IMMP2L: variants seen among roughly 807,000 people sequenced by gnomAD.
The protein encoded by IMMP2L is inner mitochondrial membrane peptidase subunit 2.
In IMMP2L, 18 loss-of-function variants were observed where a neutral mutation model predicts 19.3. The observed-to-expected ratio is 0.93, with a 90% CI of 0.64 to 1.38. The LOEUF (loss-of-function observed/expected upper bound fraction) is 1.38, where lower values mean the gene tolerates loss of function less well. Among genes scored for constraint, IMMP2L ranks in the 40% most tolerant of loss-of-function variants. IMMP2L has a pLI of 0.00. For missense variants in IMMP2L, 233 were observed against 218.2 expected, an observed-to-expected ratio of 1.07 and a Z score of -0.43; for synonymous variants, 76 against 73.0, an observed-to-expected ratio of 1.04 and a Z score of -0.21.
At chr7:111,216,846 T>C (rs1341436342) in intron 3 of IMMP2L, among the ~76,000 whole-genome samples, 3 of 152,096 alleles carry the variant, frequency 2.0e-5, no homozygotes, top group Admixed American at 6.6e-5. Context: ...GCTTTATGAC[T>C]ATATTCAGTC....
At chr7:110,764,813 T>G (rs1176755060) in intron 5 of IMMP2L, among the ~76,000 whole-genome samples, 1 of 152,106 alleles carries the variant, frequency 6.6e-6, no homozygotes, top group Non-Finnish European at 1.5e-5. Context: ...AAAGAATTAC[T>G]CATAAATCCA....
At chr7:111,095,337 A>G (rs1797292593) in intron 3 of IMMP2L, among the ~76,000 whole-genome samples, 1 of 151,932 alleles carries the variant, frequency 6.6e-6, no homozygotes, top group Non-Finnish European at 1.5e-5. Flanking sequence ...AACCCCTTAC[A>G]ATACTTCCTC....
chr7:111,551,943 T>C (rs1253177740), intron 1 of IMMP2L, among the ~76,000 whole-genome samples: 3 of 152,046 alleles, frequency 2.0e-5, no homozygotes, highest in Middle Eastern at 3.4e-3. Flanking sequence ...AAAAGAGAAA[T>C]ACAAAGAAGG....
intron 5 of IMMP2L, among the ~76,000 whole-genome samples, chr7:110,825,959 A>C (rs1803449941): frequency 6.6e-6 from 1 of 152,236 alleles, no homozygotes; most frequent in African/African-American, 2.4e-5. Flanking sequence ...GCTTATATCC[A>C]GAATCTAGAA....
chr7:111,545,145 AT>A (rs927607481), intron 1 of IMMP2L, among the ~76,000 whole-genome samples: 26 of 152,056 alleles, frequency 1.7e-4, no homozygotes, highest in Non-Finnish European at 2.8e-4. Context: ...TTAAATATTA[AT>A]TTTTTTTAAA....
At chr7:110,679,239 T>C (rs1276895685) in intron 5 of IMMP2L, among the ~76,000 whole-genome samples, 1 of 152,164 alleles carries the variant, frequency 6.6e-6, no homozygotes, top group Non-Finnish European at 1.5e-5. Flanking sequence ...CACCAGTCTC[T>C]TTACCACATA....
At chr7:111,292,815 T>C (rs951405359) in intron 3 of IMMP2L, among the ~76,000 whole-genome samples, 2 of 152,036 alleles carry the variant, frequency 1.3e-5, no homozygotes, top group Non-Finnish European at 2.9e-5. Context: ...GGAAAGAATA[T>C]GGCAGAGTGA....
In IMMP2L at chr7:111,362,970, C is replaced by T. The variant is rs146107814; in HGVS notation, c.239+124268G>A. On this transcript the variant is annotated intron_variant, in intron 3 of 5. Transcript: ENST00000405709. Reference sequence around the variant, plus strand: ...ACTATGGAAACTGAGGACTTAGATTCCTTCAAAATCAACTATGTGCAACCT... The same window carrying T: ...ACTATGGAAACTGAGGACTTAGATTTCTTCAAAATCAACTATGTGCAACCT... Among the ~76,000 whole-genome samples the T allele has an allele frequency of 2.3e-4, 35 of 152,154 alleles. 1 individual carries two copies. In the East Asian group the frequency reaches 6.8e-3, roughly 29 times the overall value.
At chr7:110,957,058 T>C (rs987252847) in intron 4 of IMMP2L, among the ~76,000 whole-genome samples, 2 of 152,044 alleles carry the variant, frequency 1.3e-5, no homozygotes, top group African/African-American at 2.4e-5. Flanking sequence ...TTTGATGTTA[T>C]AGATAAGCAT....
intron 3 of IMMP2L, chr7:111,392,705 C>T (rs1832479713): frequency 6.6e-6 from 3 of 454,910 alleles, no homozygotes; most frequent in Admixed American, 4.7e-5. Context: ...TTCTGTCCAA[C>T]TTGGCTATAA....
rs777862357 is a variant in IMMP2L at position 111,556,018 on chromosome 7, G to GTGTGTGTGTATATATATATATATATATA, written c.-3+5832_-3+5833insTATATATATATATATATATACACACACA. Reference sequence around the variant, plus strand: ...TTAGCCATCCCTCTTCTGTGTGCATGTATATATATATATATATACATACCC... The same window carrying GTGTGTGTGTATATATATATATATATATA: ...TTAGCCATCCCTCTTCTGTGTGCATGTGTGTGTGTATATATATATATATATATATATATATATATATATATACATACCC... On this transcript the variant is annotated intron_variant, in intron 1 of 5. Transcript: ENST00000405709. Among the ~76,000 whole-genome samples the GTGTGTGTGTATATATATATATATATATA allele has an allele frequency of 3.7e-4, 34 of 91,372 alleles. 1 individual carries two copies. Among genetic ancestry groups the GTGTGTGTGTATATATATATATATATATA allele is most frequent in the African/African-American group, 1.1e-3 (31 of 27,642 alleles). The allele number at this position is 91,372 out of a possible 152,430, so 59.9% of individuals were successfully genotyped here. A position where few individuals can be genotyped will look rare whatever the true frequency, so the allele number is the denominator to read the frequency against.
intron 3 of IMMP2L, among the ~76,000 whole-genome samples, chr7:111,192,419 C>T (rs968000266): frequency 6.6e-6 from 1 of 152,052 alleles, no homozygotes; most frequent in African/African-American, 2.4e-5. Flanking sequence ...TCTAAAGCCC[C>T]AAATTTGTAT....
chr7:110,950,509 C>G (rs10252294), intron 4 of IMMP2L, among the ~76,000 whole-genome samples: 26,861 of 151,796 alleles, frequency 0.18, 5,236 homozygotes, highest in African/African-American at 0.49. Flanking sequence ...ATGGAAAACA[C>G]TATGGAGGTT....
intron 3 of IMMP2L, among the ~76,000 whole-genome samples, chr7:111,261,645 G>C (rs1817321807): frequency 6.6e-6 from 1 of 152,116 alleles, no homozygotes; most frequent in Non-Finnish European, 1.5e-5. Flanking sequence ...GTTTCTACAG[G>C]AGAATTCTTA....
At chr7:110,949,337 A>G (rs1817560202) in intron 4 of IMMP2L, among the ~76,000 whole-genome samples, 1 of 152,128 alleles carries the variant, frequency 6.6e-6, no homozygotes, top group Admixed American at 6.5e-5. Context: ...ACTTAAATTA[A>G]CAACTCAATA....
In IMMP2L at chr7:111,213,941, A is replaced by G. The variant is rs1339746955; in HGVS notation, c.240-250376T>C. On this transcript the variant is annotated intron_variant, in intron 3 of 5. Coordinates refer to ENST00000405709, the MANE Select transcript of IMMP2L (RefSeq NM_032549.4). This position sits in a 1 kb window ranked among gnomAD's most constrained non-coding sequence, Gnocchi z 4.8. ...ATAAAAGGTGATTTAAAAAAATAAG[A>G]CCCAAGTCACATGAATAGTGAAGAG... 1.3e-5 allele frequency among the ~76,000 whole-genome samples: 2 copies of G among 152,130 alleles called. No homozygotes were observed. The highest frequency in any genetic ancestry group is 3.8e-4 in the East Asian group (2 of 5,196).
intron 3 of IMMP2L, among the ~76,000 whole-genome samples, chr7:111,186,953 A>G (rs1168146386): frequency 6.6e-6 from 1 of 152,004 alleles, no homozygotes; most frequent in Non-Finnish European, 1.5e-5. Context: ...AAAAAAAAAA[A>G]GTTTTAATAC....
intron 5 of IMMP2L, among the ~76,000 whole-genome samples, chr7:110,681,684 T>C (rs1792729404): frequency 1.3e-5 from 2 of 152,172 alleles, no homozygotes; most frequent in South Asian, 4.1e-4. Flanking sequence ...ATTTCATAAA[T>C]GTACCAAGCT....
At chr7:111,384,290 AGAGGAGAAAGGAGGAG>A (rs1366223034) in intron 3 of IMMP2L, among the ~76,000 whole-genome samples, 1 of 146,264 alleles carries the variant, frequency 6.8e-6, no homozygotes, top group African/African-American at 2.6e-5. Context: ...GAGAAAGGAG[AGAGGAGAAAGGAGGAG>A]GAGGGAAAAG....
Sources: allele counts gnomAD v4.1 joint callset (sites outside exome capture counted in the v4.1 genomes callset), GRCh38; gene constraint gnomAD v4.1.1; non-coding constraint Gnocchi (gnomAD v3.1); transcripts MANE v1.5; gene names NCBI Gene and HGNC (gene_info 2026-07-23, HGNC 2026-07-21).